Variants in SUPT3H observed in about 807,000 individuals in gnomAD.
SUPT3H encodes the protein transcription initiation protein SPT3 homolog.
A neutral mutation model predicts 44.3 loss-of-function variants in SUPT3H; 44 were observed. That is an observed-to-expected ratio of 0.99 (90% CI 0.78 to 1.28). The LOEUF (loss-of-function observed/expected upper bound fraction) is 1.28, where lower values mean the gene tolerates loss of function less well. SUPT3H is among the 50% of genes most tolerant of loss of function. The pLI is 0.00. For synonymous variants in SUPT3H, 124 were observed against 125.6 expected, an observed-to-expected ratio of 0.99 and a Z score of 0.09; for missense variants, 380 against 387.1, an observed-to-expected ratio of 0.98 and a Z score of 0.15.
At chr6:45,121,524 G>A (rs1008704152) in intron 2 of SUPT3H, among the ~76,000 whole-genome samples, 2 of 151,952 alleles carry the variant, frequency 1.3e-5, no homozygotes, top group East Asian at 3.9e-4. Flanking sequence ...TATGTGGGGG[G>A]GGGGGTGGAT....
chr6:45,077,974 T>TG (rs1350268118), intron 3 of SUPT3H, among the ~76,000 whole-genome samples: 5 of 150,740 alleles, frequency 3.3e-5, no homozygotes, highest in East Asian at 4.0e-4. Flanking sequence ...AAGGACTGGT[T>TG]GGGGGGGTGG....
chr6:44,832,393 A>ACACT (rs1257729955), intron 10 of SUPT3H, among the ~76,000 whole-genome samples: 1 of 152,146 alleles, frequency 6.6e-6, no homozygotes, highest in Non-Finnish European at 1.5e-5. Context: ...ATCTTTACAG[A>ACACT]CACTCCTAGT....
intron 1 of SUPT3H, chr6:45,371,775 C>T (rs1479090010): frequency 3.2e-6 from 3 of 943,230 alleles, no homozygotes; most frequent in East Asian, 1.2e-4. Context: ...GGATAAGCAA[C>T]TATAACAGAC....
At chr6:44,997,136 A>C (rs1392178491) in intron 6 of SUPT3H, among the ~76,000 whole-genome samples, 1 of 151,772 alleles carries the variant, frequency 6.6e-6, no homozygotes, top group African/African-American at 2.4e-5. Flanking sequence ...CTTTAATGAA[A>C]ATTTCTTGGC....
intron 2 of SUPT3H, among the ~76,000 whole-genome samples, chr6:45,233,136 G>T (rs1486892564): frequency 6.6e-6 from 1 of 152,142 alleles, no homozygotes; most frequent in African/African-American, 2.4e-5. Flanking sequence ...TGTACAAGAG[G>T]CTGTCTTTGG....
chr6:45,132,070 T>G (rs892188801), intron 2 of SUPT3H, among the ~76,000 whole-genome samples: 3 of 152,154 alleles, frequency 2.0e-5, no homozygotes, highest in African/African-American at 7.2e-5. Flanking sequence ...AGTACATTAT[T>G]TAAGAATTAT....
chr6:44,822,281 G>A (rs893661951), downstream of SUPT3H, among the ~76,000 whole-genome samples: 1 of 152,132 alleles, frequency 6.6e-6, no homozygotes, highest in Non-Finnish European at 1.5e-5. Context: ...TTAATTTCAA[G>A]CTACTCTTTG....
At chr6:45,161,149 C>T (rs559488577) in intron 2 of SUPT3H, among the ~76,000 whole-genome samples, 2 of 152,238 alleles carry the variant, frequency 1.3e-5, no homozygotes, top group South Asian at 2.1e-4. Flanking sequence ...AAGCAGATGC[C>T]AGCACCATGC....
chr6:45,330,330 G>A (rs767639978), intron 2 of SUPT3H, among the ~76,000 whole-genome samples: 3 of 151,756 alleles, frequency 2.0e-5, no homozygotes, highest in African/African-American at 4.8e-5. Flanking sequence ...CTTATACATC[G>A]AAAGTTTTGT....
At chr6:44,860,804 T>C (rs1012977240) in intron 10 of SUPT3H, among the ~76,000 whole-genome samples, 6 of 152,198 alleles carry the variant, frequency 3.9e-5, no homozygotes, top group African/African-American at 1.4e-4. Context: ...AAAAGAATCT[T>C]TTTAAAAAAA....
chr6:45,021,041 T>C (rs988134438), intron 3 of SUPT3H, among the ~76,000 whole-genome samples: 3 of 151,868 alleles, frequency 2.0e-5, no homozygotes, highest in Admixed American at 6.6e-5. Flanking sequence ...TGATTTGAAA[T>C]AGGCCCATTC....
chr6:45,015,855 C>T (rs1322988950), intron 4 of SUPT3H, among the ~76,000 whole-genome samples: 2 of 151,906 alleles, frequency 1.3e-5, no homozygotes, highest in African/African-American at 2.4e-5. Flanking sequence ...GTCAATATCA[C>T]TGTCTTCCAC....
chr6:45,197,449 C>G lies in SUPT3H; in HGVS notation c.102-91443G>C, dbSNP rs73735309. ...TCTTTACATACATTGTTACTAAGTG[C>G]ATTTAACCAATAAACATTTTTCAAA... On this transcript the variant is annotated intron_variant, in intron 2 of 10. Coordinates refer to ENST00000371459, the MANE Select transcript of SUPT3H (RefSeq NM_003599.4). Among the ~76,000 whole-genome samples the G allele has an allele frequency of 6.0e-3, 916 of 151,452 alleles. 14 individuals are homozygous for G. The highest frequency in any genetic ancestry group is 0.021 in the African/African-American group (874 of 41,496).
chr6:44,892,456 A>G (rs188120356), intron 10 of SUPT3H, among the ~76,000 whole-genome samples: 2 of 152,296 alleles, frequency 1.3e-5, no homozygotes, highest in Admixed American at 6.5e-5. Context: ...TTCAGCCTCT[A>G]GAACTGAGGG....
intron 6 of SUPT3H, among the ~76,000 whole-genome samples, chr6:44,984,619 A>C (rs189095023): frequency 3.7e-4 from 57 of 152,264 alleles, no homozygotes; most frequent in Non-Finnish European, 1.5e-4. Flanking sequence ...ATAGTCTGTC[A>C]CCAATTGCAG....
chr6:45,254,222 A>C (rs2153654366), intron 2 of SUPT3H, among the ~76,000 whole-genome samples: 1 of 152,242 alleles, frequency 6.6e-6, no homozygotes, highest in East Asian at 1.9e-4. Context: ...GTTGTATTAA[A>C]CCAACAAAGG....
At chr6:45,329,537 T>C (rs899826337) in intron 2 of SUPT3H, among the ~76,000 whole-genome samples, 11 of 151,974 alleles carry the variant, frequency 7.2e-5, no homozygotes, top group Non-Finnish European at 1.2e-4. Context: ...CTGTTATCCA[T>C]AGACCTTGTT....
chr6:45,203,456 AT>A (rs1283714885), intron 2 of SUPT3H, among the ~76,000 whole-genome samples: 1 of 152,102 alleles, frequency 6.6e-6, no homozygotes, highest in Non-Finnish European at 1.5e-5. Flanking sequence ...CATCTGAACT[AT>A]TTTTGTAAAC....
intron 1 of SUPT3H, among the ~76,000 whole-genome samples, chr6:45,370,004 C>G (rs1795789609): frequency 6.6e-6 from 1 of 151,970 alleles, no homozygotes; most frequent in Non-Finnish European, 1.5e-5. Flanking sequence ...CTTTAGGCCA[C>G]AGGAGTTTAC....
Sources: gnomAD v4.1 joint callset for allele counts (sites outside exome capture counted in the v4.1 genomes callset) on GRCh38, gnomAD v4.1.1 for gene constraint, MANE v1.5 for transcripts, NCBI Gene and HGNC (gene_info 2026-07-23, HGNC 2026-07-21) for gene names.